GLIS3: variants seen among roughly 807,000 people sequenced by gnomAD.
GLIS3 encodes the protein zinc finger protein GLIS3.
In GLIS3, 53 loss-of-function variants were observed where a neutral mutation model predicts 78.6. That is an observed-to-expected ratio of 0.67 (90% CI 0.54 to 0.85). The LOEUF (loss-of-function observed/expected upper bound fraction) is 0.85, where lower values mean the gene tolerates loss of function less well. GLIS3 is among the 40% of genes least tolerant of loss of function. GLIS3 has a pLI of 0.00. For synonymous variants in GLIS3, 684 were observed against 509.9 expected (o/e 1.34, Z -4.60); for missense variants, 1,703 against 1,231.1 (o/e 1.38, Z -5.74).
intron 2 of GLIS3, among the ~76,000 whole-genome samples, chr9:4,337,280 T>C (rs1175692584): frequency 1.3e-5 from 2 of 152,236 alleles, no homozygotes; most frequent in South Asian, 2.1e-4. Flanking sequence ...ACCAAAGTGT[T>C]AATTATTGTA....
At chr9:3,923,542 T>C (rs1304791246) in intron 6 of GLIS3, among the ~76,000 whole-genome samples, 1 of 151,432 alleles carries the variant, frequency 6.6e-6, no homozygotes, top group Non-Finnish European at 1.5e-5. Flanking sequence ...GCAGCACATT[T>C]GGAAGACAGT....
intron 2 of GLIS3, among the ~76,000 whole-genome samples, chr9:4,217,734 C>T (rs886513233): frequency 6.6e-6 from 1 of 152,152 alleles, no homozygotes; most frequent in South Asian, 2.1e-4. Flanking sequence ...AATAAGTAAG[C>T]CGTGAGCAAA....
chr9:4,409,857 C>T, the GLIS3 span, among the ~76,000 whole-genome samples: 4 of 152,212 alleles, frequency 2.6e-5, no homozygotes, highest in Admixed American at 6.5e-5. Context: ...CAATTTCAGA[C>T]GTGGCTACCG....
At chr9:4,314,443 T>C (rs958552638) in intron 2 of GLIS3, among the ~76,000 whole-genome samples, 1 of 152,242 alleles carries the variant, frequency 6.6e-6, no homozygotes, top group African/African-American at 2.4e-5. Context: ...TATGTTTGCA[T>C]GTGCATATAC....
intron 5 of GLIS3, chr9:3,932,934 A>C (rs1173716005): frequency 9.8e-6 from 3 of 304,790 alleles, no homozygotes; most frequent in Non-Finnish European, 2.0e-5. Context: ...TCAGAAAGAG[A>C]AAGGGAGAGA....
At chr9:4,036,648 C>G (rs1018395801) in intron 4 of GLIS3, among the ~76,000 whole-genome samples, 5 of 152,148 alleles carry the variant, frequency 3.3e-5, no homozygotes, top group South Asian at 2.1e-4. Flanking sequence ...CTGAGACTCA[C>G]CTACTAAATA....
At chr9:3,905,588 T>G (rs925982394) in intron 6 of GLIS3, among the ~76,000 whole-genome samples, 1 of 152,088 alleles carries the variant, frequency 6.6e-6, no homozygotes, top group African/African-American at 2.4e-5. Context: ...AGCATGGTGC[T>G]CATCATTCCT....
Position 4,071,544 on chromosome 9 carries a change from C to G in GLIS3, c.1710+46224G>C, listed in dbSNP as rs1340249. Among the ~76,000 whole-genome samples, 1,016 of 152,192 alleles carry G rather than the reference C, an allele frequency of 6.7e-3. 3 individuals carry two copies. The highest frequency in any genetic ancestry group is 9.1e-3 in the Non-Finnish European group (619 of 67,994). ...ACTCCATCAATGTTTATTTTTCTAC[C>G]CTGGATATCAGATTTTGAGTTTTAA... On this transcript the variant is annotated intron_variant, in intron 4 of 10. Coordinates refer to ENST00000381971, the MANE Select transcript of GLIS3 (RefSeq NM_001042413.2).
At chr9:4,321,932 G>A (rs1165377944) in intron 2 of GLIS3, among the ~76,000 whole-genome samples, 1 of 152,076 alleles carries the variant, frequency 6.6e-6, no homozygotes, top group Non-Finnish European at 1.5e-5. Flanking sequence ...ATAACCTGCA[G>A]GTTTGTTACA....
chr9:3,927,547 G>T (rs914539619), intron 6 of GLIS3, among the ~76,000 whole-genome samples: 6 of 152,168 alleles, frequency 3.9e-5, no homozygotes, highest in Non-Finnish European at 8.8e-5. Flanking sequence ...CTTTAAGCAC[G>T]AAATAAGATC....
the GLIS3 span, among the ~76,000 whole-genome samples, chr9:4,473,466 A>AAAAAGAAAAAAAAG: frequency 7.4e-6 from 1 of 135,416 alleles, no homozygotes; most frequent in East Asian, 2.0e-4. Context: ...ACAACAAAAA[A>AAAAAGAAAAAAAAG]AAAGGATCAT....
chr9:4,374,716 CACAT>C, the GLIS3 span, among the ~76,000 whole-genome samples: 1 of 152,102 alleles, frequency 6.6e-6, no homozygotes, highest in Non-Finnish European at 1.5e-5. Flanking sequence ...GATGAATGAT[CACAT>C]ACATAAAGCA....
At chr9:4,162,275 A>AT (rs546826979) in intron 2 of GLIS3, among the ~76,000 whole-genome samples, 10 of 152,056 alleles carry the variant, frequency 6.6e-5, no homozygotes, top group Admixed American at 2.6e-4. Context: ...GTATGACCTC[A>AT]TTTTTTTAAC....
chr9:4,297,366 C>T (rs890901001), intron 1 of GLIS3, among the ~76,000 whole-genome samples: 2 of 152,188 alleles, frequency 1.3e-5, no homozygotes, highest in African/African-American at 4.8e-5. Context: ...AAACCTCTAA[C>T]GTCTCTGGGG....
intron 2 of GLIS3, among the ~76,000 whole-genome samples, chr9:4,342,089 G>A (rs1587395418): frequency 6.6e-6 from 1 of 152,260 alleles, no homozygotes; most frequent in East Asian, 1.9e-4. Context: ...CTGTGCAGAG[G>A]CTCTTTAGTT....
chr9:3,949,146 T>C (rs1005883907), intron 4 of GLIS3, among the ~76,000 whole-genome samples: 1 of 152,214 alleles, frequency 6.6e-6, no homozygotes, highest in African/African-American at 2.4e-5. Flanking sequence ...AAAAAGAACA[T>C]GTCTCAGAAG....
At chr9:4,461,973 A>C in the GLIS3 span, among the ~76,000 whole-genome samples, 1 of 152,232 alleles carries the variant, frequency 6.6e-6, no homozygotes. Context: ...AAATATTATA[A>C]TAATTGGTAA....
chr9:3,872,751 C>A (rs937690649), intron 8 of GLIS3, among the ~76,000 whole-genome samples: 3 of 152,072 alleles, frequency 2.0e-5, no homozygotes, highest in African/African-American at 7.2e-5. Flanking sequence ...TATATCAGTC[C>A]CCACACCTGT....
intron 2 of GLIS3, among the ~76,000 whole-genome samples, chr9:4,241,134 T>G (rs549836754): frequency 6.6e-6 from 1 of 152,310 alleles, no homozygotes; most frequent in East Asian, 1.9e-4. Flanking sequence ...GAAACCTGCT[T>G]CTTTGTGCAC....
Sources: allele counts gnomAD v4.1 joint callset (sites outside exome capture counted in the v4.1 genomes callset), GRCh38; gene constraint gnomAD v4.1.1; transcripts MANE v1.5; gene names NCBI Gene and HGNC (gene_info 2026-07-23, HGNC 2026-07-21).